Variants in NELL2 observed in about 807,000 individuals in gnomAD.
NELL2 encodes protein kinase C-binding protein NELL2.
In NELL2, 41 loss-of-function variants were observed where a neutral mutation model predicts 109.6. The observed-to-expected ratio is 0.37, with a 90% CI of 0.29 to 0.49. The LOEUF (loss-of-function observed/expected upper bound fraction) is 0.49, where lower values mean the gene tolerates loss of function less well. Ranked by LOEUF, NELL2 falls within the 20% of genes least tolerant of loss-of-function variation. The pLI, the probability that NELL2 is intolerant of heterozygous loss-of-function variation, is 0.98. For synonymous variants in NELL2, 355 were observed against 344.7 expected (o/e 1.03, Z -0.33); for missense variants, 900 against 1,008.3 (o/e 0.89, Z 1.45).
At chr12:44,648,640 A>G (rs1283767058) in intron 13 of NELL2, among the ~76,000 whole-genome samples, 3 of 151,252 alleles carry the variant, frequency 2.0e-5, no homozygotes, top group Non-Finnish European at 4.4e-5. Context: ...ATAGTATCAT[A>G]CCTAATATTT....
intron 15 of NELL2, among the ~76,000 whole-genome samples, chr12:44,536,707 T>G (rs1025862459): frequency 1.3e-5 from 2 of 152,030 alleles, no homozygotes; most frequent in African/African-American, 4.8e-5. Flanking sequence ...ATGAGTTTTA[T>G]AATTTTATTA....
At chr12:44,518,487 C>T (rs559744957) in intron 19 of NELL2, among the ~76,000 whole-genome samples, 2 of 152,202 alleles carry the variant, frequency 1.3e-5, no homozygotes, top group African/African-American at 2.4e-5. Flanking sequence ...CCTTGTGATC[C>T]GCCCACCTCA....
intron 1 of NELL2, among the ~76,000 whole-genome samples, chr12:44,890,676 GC>G (rs1945523154): frequency 6.6e-6 from 1 of 151,304 alleles, no homozygotes; most frequent in South Asian, 2.1e-4. Context: ...CCATATCATT[GC>G]CCCCAAGGGT....
chr12:44,665,241 T>C (rs1009428889), intron 13 of NELL2, among the ~76,000 whole-genome samples: 8 of 152,142 alleles, frequency 5.3e-5, no homozygotes, highest in Non-Finnish European at 8.8e-5. Flanking sequence ...AGTATAAATG[T>C]AGCATATACT....
chr12:44,801,440 T>C (rs1312328929), intron 3 of NELL2, among the ~76,000 whole-genome samples: 2 of 152,144 alleles, frequency 1.3e-5, no homozygotes, highest in African/African-American at 4.8e-5. Context: ...TTAGAGTTTT[T>C]GAGCTCTGAA....
At chr12:44,561,797 T>C (rs937664289) in intron 15 of NELL2, among the ~76,000 whole-genome samples, 1 of 152,180 alleles carries the variant, frequency 6.6e-6, no homozygotes, top group South Asian at 2.1e-4. Context: ...ATTGACTTTT[T>C]TCACAGAATT....
chr12:44,540,671 G>A (rs1447750635), intron 15 of NELL2, among the ~76,000 whole-genome samples: 1 of 149,808 alleles, frequency 6.7e-6, no homozygotes, highest in Non-Finnish European at 1.5e-5. Flanking sequence ...TAAAGCAGCA[G>A]TGTAGAATTT....
intron 3 of NELL2, among the ~76,000 whole-genome samples, chr12:44,798,533 G>T (rs1458999190): frequency 6.6e-6 from 1 of 151,958 alleles, no homozygotes; most frequent in East Asian, 1.9e-4. Flanking sequence ...AATACTGAAA[G>T]AAATTAATGT....
In NELL2 at chr12:44,780,148, C is replaced by T. The variant is rs1430401810; in HGVS notation, c.336-126G>A. The T allele has an allele frequency of 9.7e-6, 9 of 928,024 alleles. No homozygotes were observed. In the African/African-American group the frequency reaches 1.5e-4, roughly 15 times the overall value. The allele number at this position is 928,024 out of a possible 1,614,324, so 57.5% of individuals were successfully genotyped here. On this transcript the variant is annotated intron_variant, in intron 3 of 19. Transcript: ENST00000429094. Reference sequence around the variant, plus strand: ...TCTCCCACTAAGTACAACTAGACATCATATACAAAACAAACACAGAAGAAT... The same window carrying T: ...TCTCCCACTAAGTACAACTAGACATTATATACAAAACAAACACAGAAGAAT...
At chr12:44,729,612 T>C (rs923628918) in intron 9 of NELL2, among the ~76,000 whole-genome samples, 9 of 149,052 alleles carry the variant, frequency 6.0e-5, no homozygotes, top group African/African-American at 2.2e-4. Context: ...TACAAAAGAC[T>C]TACCTAAGAT....
intron 13 of NELL2, among the ~76,000 whole-genome samples, chr12:44,639,539 C>T (rs1946774196): frequency 6.6e-6 from 1 of 152,100 alleles, no homozygotes; most frequent in African/African-American, 2.4e-5. Flanking sequence ...ACTAACTACT[C>T]AGCAGTTCAA....
chr12:44,718,031 A>C (rs988574383), intron 9 of NELL2, among the ~76,000 whole-genome samples: 4 of 152,244 alleles, frequency 2.6e-5, no homozygotes, highest in African/African-American at 9.6e-5. Flanking sequence ...TAGCTTGCTC[A>C]GAAGGGCATG....
In NELL2 at chr12:44,746,107, C is replaced by T. The variant is rs370803293; in HGVS notation, c.994+28640G>A. Reference sequence around the variant, plus strand: ...ACTGGTACCAAAACAGAGATATAGACCAATGGAACAGAACAGAGCCCTCAG... The same window carrying T: ...ACTGGTACCAAAACAGAGATATAGATCAATGGAACAGAACAGAGCCCTCAG... On this transcript the variant is annotated intron_variant, in intron 9 of 19. Transcript: ENST00000429094. Among the ~76,000 whole-genome samples the T allele has an allele frequency of 4.1e-4, 63 of 152,146 alleles. No homozygotes were observed. The South Asian group carries it at 7.7e-3, about 19-fold the overall frequency.
At chr12:44,690,838 C>T (rs1210757097) in intron 12 of NELL2, among the ~76,000 whole-genome samples, 1 of 152,030 alleles carries the variant, frequency 6.6e-6, no homozygotes, top group Non-Finnish European at 1.5e-5. Flanking sequence ...ATGATAGAAG[C>T]CAATCAAAAA....
At chr12:44,686,416 G>A (rs1484066280) in intron 12 of NELL2, among the ~76,000 whole-genome samples, 2 of 152,198 alleles carry the variant, frequency 1.3e-5, no homozygotes, top group East Asian at 1.9e-4. Context: ...CTCTCAGCTC[G>A]TCAAAGTCAT....
chr12:44,893,989 C>T (rs1945565349), intron 1 of NELL2, among the ~76,000 whole-genome samples: 1 of 152,182 alleles, frequency 6.6e-6, no homozygotes, highest in Admixed American at 6.5e-5. Context: ...CATACAAACT[C>T]AACAGACCTA....
At chr12:44,576,516 G>A (rs1944091405) in intron 15 of NELL2, among the ~76,000 whole-genome samples, 1 of 150,922 alleles carries the variant, frequency 6.6e-6, no homozygotes, top group Non-Finnish European at 1.5e-5. Flanking sequence ...TCTATCTTAT[G>A]ATGTACCCCT....
chr12:44,745,445 G>C (rs1342540100), intron 9 of NELL2, among the ~76,000 whole-genome samples: 6 of 152,088 alleles, frequency 3.9e-5, no homozygotes, highest in Non-Finnish European at 7.3e-5. Context: ...TGGAGGTTCT[G>C]GCCAGGGCAG....
intron 13 of NELL2, among the ~76,000 whole-genome samples, chr12:44,632,211 C>T (rs1229778935): frequency 1.3e-5 from 2 of 152,098 alleles, no homozygotes; most frequent in African/African-American, 4.8e-5. Context: ...CTAAAGTTAA[C>T]ATGATACTTA....
Sources: allele counts gnomAD v4.1 joint callset (sites outside exome capture counted in the v4.1 genomes callset), GRCh38; gene constraint gnomAD v4.1.1; transcripts MANE v1.5; gene names NCBI Gene and HGNC (gene_info 2026-07-23, HGNC 2026-07-21).